The following SUN2 variants were observed in gnomAD, a reference collection of about 807,000 sequenced individuals.
The protein encoded by SUN2 is SUN domain-containing protein 2.
In SUN2, 60 loss-of-function variants were observed where a neutral mutation model predicts 100.0. The ratio of observed to expected loss-of-function variants is 0.60; its 90% CI spans 0.49 to 0.74. The LOEUF is 0.74. Among genes scored for constraint, SUN2 ranks in the 30% least tolerant of loss-of-function variants. SUN2 has a pLI of 0.00. For missense variants in SUN2, 834 were observed against 954.6 expected (o/e 0.87, Z 1.66); for synonymous variants, 367 against 403.3 (o/e 0.91, Z 1.08).
chr22:38,745,387 G>C (rs1171516959), intron 8 of SUN2, among the ~76,000 whole-genome samples: 2 of 152,230 alleles, frequency 1.3e-5, no homozygotes, highest in Non-Finnish European at 2.9e-5. Flanking sequence ...TTGTAGTTTT[G>C]AGCCACTGCT....
rs368634975 is a variant in SUN2 at position 38,739,322 on chromosome 22, G to A, written c.1663+20C>T. 1.1e-5 allele frequency: 17 copies of A among 1,611,906 alleles called. No homozygotes were observed. Among genetic ancestry groups the A allele is most frequent in the South Asian group, 2.2e-5 (2 of 91,066 alleles). ...TGCGGGGTCCAGGACAAGGCAGAGC[G>A]AGGAAAGCAGAGCACGTACCTCCTG... On this transcript the variant is annotated intron_variant, in intron 14 of 17. Transcript: ENST00000689035. The surrounding 1 kb of genome is among the most constrained non-coding windows in gnomAD (Gnocchi z 6.7).
chr22:38,738,091 TG>T lies in SUN2; in HGVS notation c.2040+81del. ...GGCTTCCCTCTCTGAACCCCATGCCTGGCAGGGTAAGTGCCCAGGGAGCACC... is the reference window on the plus strand; with the variant it reads ...GGCTTCCCTCTCTGAACCCCATGCCTGCAGGGTAAGTGCCCAGGGAGCACC... On this transcript the variant is annotated intron_variant, in intron 17 of 17. Coordinates refer to ENST00000689035, the MANE Select transcript of SUN2 (RefSeq NM_015374.3). The surrounding 1 kb of genome is among the most constrained non-coding windows in gnomAD (Gnocchi z 6.6). 1 of 1,258,580 alleles carries T rather than the reference TG, an allele frequency of 7.9e-7. No homozygotes were observed. Among genetic ancestry groups the T allele is most frequent in the Non-Finnish European group, 1.2e-6 (1 of 856,424 alleles). 78.0% of individuals were successfully genotyped at this position (1,258,580 alleles called of 1,614,324 possible). A position where few individuals can be genotyped will look rare whatever the true frequency, so the allele number is the denominator to read the frequency against.
chr22:38,751,019 C>T lies in SUN2; in HGVS notation c.303G>A (p.Val101=), dbSNP rs751262716. 4.3e-6 allele frequency: 7 copies of T among 1,613,330 alleles called. No homozygotes were observed. The Admixed American group carries it at 6.7e-5, about 15-fold the overall frequency. Residue 101 remains valine, a synonymous_variant, in exon 4 of 18, where the codon GTG becomes GTA. Coordinates refer to ENST00000689035, the MANE Select transcript of SUN2 (RefSeq NM_015374.3). ...GDANWGEDLR[V]RRRRGTGGSE... ...AGCCACCCGTGCCTCTCCTCCTCCG[C>T]ACCCGCAGGTCCTCACCTGTGCAGG...
At chr22:38,744,385 C>G (rs1333351463) in intron 8 of SUN2, among the ~76,000 whole-genome samples, 3 of 151,848 alleles carry the variant, frequency 2.0e-5, no homozygotes, top group African/African-American at 7.3e-5. Flanking sequence ...CAAGACCAGC[C>G]TGGCAACATA....
Position 38,750,880 on chromosome 22 carries a change from G to A in SUN2, c.424+18C>T. The A allele has an allele frequency of 6.2e-7, 1 of 1,613,898 alleles. No homozygotes were observed. Among genetic ancestry groups the A allele is most frequent in the Non-Finnish European group, 8.5e-7 (1 of 1,179,976 alleles). On this transcript the variant is annotated intron_variant, in intron 4 of 17. Transcript: ENST00000689035. Reference sequence around the variant, plus strand: ...CAGCAGCCTCGGATCTGCTCAGGAGGGAGGAAGCATCGCCTACCCACGTAG... The same window carrying A: ...CAGCAGCCTCGGATCTGCTCAGGAGAGAGGAAGCATCGCCTACCCACGTAG...
At position 38,755,893 on chromosome 22, in the gene SUN2, GGC is replaced by G; in HGVS notation, c.-170_-169del. 1.0e-6 allele frequency: 1 copy of G among 982,256 alleles called. No individual in the cohort carries two copies. Among genetic ancestry groups the G allele is most frequent in the African/African-American group, 1.8e-5 (1 of 56,962 alleles). 60.8% of individuals were successfully genotyped at this position (982,256 alleles called of 1,614,324 possible). A position where few individuals can be genotyped will look rare whatever the true frequency, so the allele number is the denominator to read the frequency against. On this transcript the variant is annotated 5_prime_UTR_variant, in exon 1 of 18. Coordinates refer to ENST00000689035, the MANE Select transcript of SUN2 (RefSeq NM_015374.3). The surrounding 1 kb of genome is among the most constrained non-coding windows in gnomAD (Gnocchi z 5.7). ...AGGGCGACACAGCGGCCGGGCCCGG[GGC>G]GCGCGGGCACGCGAAGAGCGGCGAC...
In SUN2 at chr22:38,738,168, C is replaced by T. The variant is rs781734474; in HGVS notation, c.2040+5G>A. The T allele has an allele frequency of 4.5e-5, 72 of 1,613,666 alleles. No homozygotes were observed. In the East Asian group the frequency reaches 9.8e-4, roughly 22 times the overall value. ...CACTTCTGCTAGCACAGCAGCATCCCGTACCTGAAAGTGAAACGTCTGAAT... is the reference window on the plus strand; with the variant it reads ...CACTTCTGCTAGCACAGCAGCATCCTGTACCTGAAAGTGAAACGTCTGAAT... On this transcript the variant is annotated splice_donor_5th_base_variant and intron_variant, in intron 17 of 17. Transcript: ENST00000689035. The surrounding 1 kb of genome is among the most constrained non-coding windows in gnomAD (Gnocchi z 6.6).
At position 38,739,973 on chromosome 22, in the gene SUN2, G is replaced by T. The variant is rs776302979; in HGVS notation, c.1357-30C>A. On this transcript the variant is annotated intron_variant, in intron 12 of 17. Coordinates refer to ENST00000689035, the MANE Select transcript of SUN2 (RefSeq NM_015374.3). This position sits in a 1 kb window ranked among gnomAD's most constrained non-coding sequence, Gnocchi z 6.7. ...AGGAACCCAAAGGGGTGTCACCCTGGGGGGCTTGCAGGGACAGCAGGAGCT... is the reference window on the plus strand; with the variant it reads ...AGGAACCCAAAGGGGTGTCACCCTGTGGGGCTTGCAGGGACAGCAGGAGCT... The T allele has an allele frequency of 6.3e-7, 1 of 1,599,610 alleles. No homozygotes were observed. The highest frequency in any genetic ancestry group is 1.1e-5 in the South Asian group (1 of 90,884).
intron 10 of SUN2, 34 bp from the exon 11 acceptor site, chr22:38,741,084 C>T: frequency 1.3e-6 from 2 of 1,577,694 alleles, no homozygotes; most frequent in Non-Finnish European, 1.7e-6. Flanking sequence ...ACAAGAAATA[C>T]TCATCTCAGA....
intron 7 of SUN2, 36 bp from the exon 8 acceptor site, chr22:38,745,847 C>G (rs1182529852): frequency 1.2e-6 from 2 of 1,607,408 alleles, no homozygotes; most frequent in South Asian, 1.1e-5. Flanking sequence ...CCCAGCTGGG[C>G]CTCCAGCAAG....
Position 38,735,072 on chromosome 22 carries a change from C to G in SUN2, c.*1195G>C. ...CCACAGAACGGGGCTAGGAATCAAG[C>G]CCTTAGCTTTTCAGTTAGAAAAACA... is the stretch of plus-strand genomic sequence containing the variant. On this transcript the variant is annotated 3_prime_UTR_variant, in exon 18 of 18. Transcript: ENST00000689035. 1 of 333,148 alleles carries G rather than the reference C, an allele frequency of 3.0e-6. No individual in the cohort carries two copies. The highest frequency in any genetic ancestry group is 5.9e-6 in the Non-Finnish European group (1 of 169,452). The allele number at this position is 333,148 out of a possible 1,614,324, so 20.6% of individuals were successfully genotyped here.
Position 38,752,556 on chromosome 22 carries a change from T to C in SUN2, c.73A>G (p.Ser25Gly). ...GTGCTCTGACTCCCAGCCACCGAGC[T>C]CCCTCCGCTGCTGCTGCTGCCGTCA... ...DDDGSSSSGG[S>G]SVAGSQSTLF... is the part of the protein sequence containing the mutation. The change falls in exon 2 of 18, where the codon AGC becomes GGC. Residue 25 changes from serine (S) to glycine (G), a missense_variant. This residue lies in a region of SUN2 where 559 missense variants were observed against 597.7 expected (regional missense o/e 0.94). Transcript: ENST00000689035. 1 of 1,613,930 alleles carries C rather than the reference T, an allele frequency of 6.2e-7. No homozygotes were observed. The highest frequency in any genetic ancestry group is 8.5e-7 in the Non-Finnish European group (1 of 1,179,928).
Position 38,755,115 on chromosome 22 carries a change from T to A in SUN2, c.-38+648A>T, listed in dbSNP as rs1373369539. ...CCTTTCTCAATTCCGCCCTTCCCCATCACAAACATCTCCATCCATCTTCAG... is the reference window on the plus strand; with the variant it reads ...CCTTTCTCAATTCCGCCCTTCCCCAACACAAACATCTCCATCCATCTTCAG... On this transcript the variant is annotated intron_variant, in intron 1 of 17. Transcript: ENST00000689035. This position sits in a 1 kb window ranked among gnomAD's most constrained non-coding sequence, Gnocchi z 5.7. 3 of 972,724 alleles carry A rather than the reference T, an allele frequency of 3.1e-6. No homozygotes were observed. The African/African-American group carries it at 5.2e-5, about 17-fold the overall frequency. 60.3% of individuals were successfully genotyped at this position (972,724 alleles called of 1,614,324 possible).
At chr22:38,754,734 A>T (rs1470501840) in intron 1 of SUN2, 1 of 1,288,698 alleles carries the variant, frequency 7.8e-7, no homozygotes, top group East Asian at 5.6e-5. Context: ...ACAAGGCAAC[A>T]TGTTTATACC....
chr22:38,745,627 T>C, intron 8 of SUN2, 57 bp downstream of exon 8: 1 of 1,598,734 alleles, frequency 6.3e-7, no homozygotes, highest in Non-Finnish European at 8.5e-7. Flanking sequence ...ACCCACCACT[T>C]TCACCGTCAC....
chr22:38,745,398 T>G lies in SUN2; in HGVS notation c.813+286A>C, dbSNP rs1372627185. 2.6e-5 allele frequency among the ~76,000 whole-genome samples: 4 copies of G among 152,028 alleles called. No individual in the cohort carries two copies. In the East Asian group the frequency reaches 7.7e-4, roughly 29 times the overall value. On this transcript the variant is annotated intron_variant, in intron 8 of 17. Transcript: ENST00000689035. Reference sequence around the variant, plus strand: ...ACCATTGTAGTTTTGAGCCACTGCTTTTAGGGGTGGATTATCTTTGGTAAG... The same window carrying G: ...ACCATTGTAGTTTTGAGCCACTGCTGTTAGGGGTGGATTATCTTTGGTAAG...
In SUN2 at chr22:38,740,272, C is replaced by A; in HGVS notation, c.1351G>T (p.Asp451Tyr). 1 of 1,587,604 alleles carries A rather than the reference C, an allele frequency of 6.3e-7. No homozygotes were observed. The change falls in exon 12 of 18, where the codon GAC becomes TAC. Residue 451 changes from aspartate (D) to tyrosine (Y), a missense_variant. By Grantham distance (160) the Asp-to-Tyr change is radical. Around this residue, in one of 3 missense-constraint regions of SUN2, gnomAD observed 559 missense variants for 597.7 expected, o/e 0.94. Coordinates refer to ENST00000689035, the MANE Select transcript of SUN2 (RefSeq NM_015374.3). The surrounding 1 kb of genome is among the most constrained non-coding windows in gnomAD (Gnocchi z 4.8). ...CCCTGGTGGTTCCCACTCACGTCGT[C>A]CCGCACGGCCTGGATCTGCTGGGGC... ...LLPQQIQAVR[D>Y]DVESQFPAWI... is the part of the protein sequence containing the mutation.
rs112637685 is a variant in SUN2 at position 38,738,638 on chromosome 22, G to A, written c.1896C>T (p.Ala632=). ...TGGAGATAGTGCTGTTGGGTGACAA[G>A]GCCTTGGGCACATGCTCTAAGGTAA... ...TAVTLEHVPK[A]LSPNSTISSA... Residue 632 remains alanine, a synonymous_variant, in exon 16 of 18, where the codon GCC becomes GCT. Transcript: ENST00000689035. The surrounding 1 kb of genome is among the most constrained non-coding windows in gnomAD (Gnocchi z 6.6). 4.5e-5 allele frequency: 72 copies of A among 1,613,932 alleles called. No homozygotes were observed. The highest frequency in any genetic ancestry group is 5.0e-5 in the Admixed American group (3 of 60,008).
At chr22:38,746,064 G>A (rs549355872) in intron 7 of SUN2, among the ~76,000 whole-genome samples, 2 of 152,348 alleles carry the variant, frequency 1.3e-5, no homozygotes, top group East Asian at 3.9e-4. Flanking sequence ...GCAAAACTTG[G>A]AGAAAACATT....
Sources: allele counts gnomAD v4.1 joint callset (sites outside exome capture counted in the v4.1 genomes callset), GRCh38; gene constraint gnomAD v4.1.1; regional missense constraint gnomAD v4.1.1; non-coding constraint Gnocchi (gnomAD v3.1); transcripts MANE v1.5; gene names NCBI Gene and HGNC (gene_info 2026-07-23, HGNC 2026-07-21).